The following PCCA variants were observed in gnomAD, a reference collection of about 807,000 sequenced individuals.
The protein encoded by PCCA is propionyl-CoA carboxylase alpha chain, mitochondrial.
PCCA carries 74 observed loss-of-function variants against 101.3 expected under a neutral mutation model. The ratio of observed to expected loss-of-function variants is 0.73; its 90% CI spans 0.61 to 0.89. The LOEUF (loss-of-function observed/expected upper bound fraction) is 0.89, where lower values mean the gene tolerates loss of function less well. PCCA is among the 40% of genes least tolerant of loss of function. PCCA has a pLI of 0.00. For missense variants in PCCA, 891 were observed against 907.0 expected (o/e 0.98, Z 0.23); for synonymous variants, 294 against 313.6 (o/e 0.94, Z 0.66).
At chr13:100,147,709 A>G (rs976087621) in intron 4 of PCCA, among the ~76,000 whole-genome samples, 1 of 151,968 alleles carries the variant, frequency 6.6e-6, no homozygotes, top group Non-Finnish European at 1.5e-5. Context: ...CTGAGCCCAC[A>G]CTCTTACTGG....
intron 6 of PCCA, among the ~76,000 whole-genome samples, chr13:100,195,965 G>A (rs1463653965): frequency 3.3e-5 from 5 of 151,816 alleles, no homozygotes; most frequent in Admixed American, 6.6e-5. Flanking sequence ...TGATTACAGG[G>A]AAATAAAAAG....
chr13:100,239,654 T>C (rs1169154815), intron 8 of PCCA, among the ~76,000 whole-genome samples: 1 of 151,634 alleles, frequency 6.6e-6, no homozygotes, highest in East Asian at 1.9e-4. Context: ...TTGATTTCCA[T>C]TGAAGTTTGA....
At position 100,515,555 on chromosome 13, in the gene PCCA, G is replaced by A; in HGVS notation, c.2028G>A (p.Lys676=). Residue 676 remains lysine (K), a synonymous_variant, in exon 22 of 24, where the codon AAG becomes AAA. Transcript: ENST00000376285. The stretch of plus-strand genomic sequence containing the variant: ...GAGTGGTGGTGGCCGTCTCTGTCAA[G>A]CCTGGAGACGCGGTAAGGGCTGTGT... ...MPGVVVAVSV[K]PGDAVAEGQE... is the part of the protein sequence containing the mutation. 2.5e-6 allele frequency: 4 copies of A among 1,613,830 alleles called. No individual in the cohort carries two copies. The East Asian group carries it at 8.9e-5, about 36-fold the overall frequency.
intron 6 of PCCA, among the ~76,000 whole-genome samples, chr13:100,177,952 C>T (rs949126294): frequency 6.6e-6 from 1 of 151,736 alleles, no homozygotes; most frequent in African/African-American, 2.4e-5. Flanking sequence ...TTTCTCTTTT[C>T]CCTGTTATAA....
At chr13:100,307,403 G>C (rs1016904700) in intron 15 of PCCA, 143 bp downstream of exon 15, 1 of 669,678 alleles carries the variant, frequency 1.5e-6, no homozygotes, top group Non-Finnish European at 2.6e-6. Context: ...AAGCAGAGCA[G>C]GTTTTTTCTC....
chr13:100,515,385 C>G, intron 21 of PCCA, 42 bp from the exon 22 acceptor site: 2 of 1,591,426 alleles, frequency 1.3e-6, no homozygotes, highest in Non-Finnish European at 1.7e-6. Context: ...AGGAAAATTT[C>G]ATTTAAACTC....
chr13:100,282,734 A>G (rs905072779), intron 12 of PCCA, among the ~76,000 whole-genome samples: 7 of 152,154 alleles, frequency 4.6e-5, no homozygotes, highest in Non-Finnish European at 8.8e-5. Context: ...TGTAAGAGGG[A>G]AGGCAAATGG....
At chr13:100,198,485 TTC>T (rs2058258499) in intron 6 of PCCA, 2 of 150,546 alleles carry the variant, frequency 1.3e-5, no homozygotes, top group African/African-American at 4.9e-5. Flanking sequence ...CATTCATTCA[TTC>T]ATTCATTCAT....
chr13:100,220,161 G>A (rs2059735606), intron 7 of PCCA, among the ~76,000 whole-genome samples: 3 of 152,078 alleles, frequency 2.0e-5, no homozygotes, highest in African/African-American at 4.8e-5. Context: ...CTTATCCTTC[G>A]TCTGCTAGAA....
chr13:100,428,454 A>C (rs976921662), intron 20 of PCCA, among the ~76,000 whole-genome samples: 1 of 151,386 alleles, frequency 6.6e-6, no homozygotes, highest in Non-Finnish European at 1.5e-5. Flanking sequence ...GAGGCAAGCT[A>C]TGTAACTTCC....
intron 18 of PCCA, among the ~76,000 whole-genome samples, chr13:100,356,071 A>G (rs190247009): frequency 1.3e-5 from 2 of 152,268 alleles, no homozygotes; most frequent in African/African-American, 4.8e-5. Flanking sequence ...CACATGTAAA[A>G]GAATGAAGTT....
intron 4 of PCCA, among the ~76,000 whole-genome samples, chr13:100,153,713 C>T (rs1033011176): frequency 1.3e-5 from 2 of 152,126 alleles, no homozygotes; most frequent in Admixed American, 1.3e-4. Context: ...TTGCTTTGAA[C>T]ACAGGGATAT....
chr13:100,107,841 A>G (rs1468602888), intron 2 of PCCA, among the ~76,000 whole-genome samples: 1 of 152,226 alleles, frequency 6.6e-6, no homozygotes, highest in Non-Finnish European at 1.5e-5. Context: ...TGCCTGCTGT[A>G]TACAAAACGT....
Position 100,481,790 on chromosome 13 carries a change from C to T in PCCA, c.1899+32485C>T, listed in dbSNP as rs574770515. ...ATACATTGTTTATTTCTGGAATTTT[C>T]CATATAATGTTTCTGGACCATGGTT... On this transcript the variant is annotated intron_variant, in intron 21 of 23. Transcript: ENST00000376285. Among the ~76,000 whole-genome samples the T allele has an allele frequency of 1.1e-4, 16 of 152,174 alleles. No homozygotes were observed. The South Asian group carries it at 3.1e-3, about 30-fold the overall frequency.
intron 6 of PCCA, among the ~76,000 whole-genome samples, chr13:100,200,198 G>A (rs1393628130): frequency 6.6e-6 from 1 of 152,058 alleles, no homozygotes; most frequent in Non-Finnish European, 1.5e-5. Flanking sequence ...TCTGCCTCCC[G>A]GGTTCACACT....
chr13:100,523,897 G>A (rs772955020), intron 22 of PCCA, among the ~76,000 whole-genome samples: 12 of 152,172 alleles, frequency 7.9e-5, no homozygotes, highest in Admixed American at 2.0e-4. Flanking sequence ...TTGGAGAAAC[G>A]TGCGCACACA....
At chr13:100,438,203 T>C (rs574062526) in intron 20 of PCCA, among the ~76,000 whole-genome samples, 4 of 152,016 alleles carry the variant, frequency 2.6e-5, no homozygotes, top group African/African-American at 9.6e-5. Context: ...TTGCCCAGGC[T>C]AGAGTGCAGT....
chr13:100,517,584 T>C (rs1013177575), intron 22 of PCCA, among the ~76,000 whole-genome samples: 8 of 152,154 alleles, frequency 5.3e-5, no homozygotes, highest in African/African-American at 1.9e-4. Context: ...TTCCTTTAAA[T>C]TCAGAGTACC....
rs377740415 is a variant in PCCA at position 100,182,527 on chromosome 13, A to G, written c.468+25187A>G. Among the ~76,000 whole-genome samples, 16 of 152,200 alleles carry G rather than the reference A, an allele frequency of 1.1e-4. 1 individual carries two copies. In the East Asian group the frequency reaches 1.5e-3, roughly 15 times the overall value. ...GTAGCCAGGCTTATCTGTGCGTTATACGTGGGTGCTTTGAGGAATCCAACA... is the reference window on the plus strand; with the variant it reads ...GTAGCCAGGCTTATCTGTGCGTTATGCGTGGGTGCTTTGAGGAATCCAACA... On this transcript the variant is annotated intron_variant, in intron 6 of 23. Coordinates refer to ENST00000376285, the MANE Select transcript of PCCA (RefSeq NM_000282.4).
Sources: gnomAD v4.1 joint callset for allele counts (sites outside exome capture counted in the v4.1 genomes callset) on GRCh38, gnomAD v4.1.1 for gene constraint, MANE v1.5 for transcripts, NCBI Gene and HGNC (gene_info 2026-07-23, HGNC 2026-07-21) for gene names.